SPECC1: variants seen among roughly 807,000 people sequenced by gnomAD.
The protein encoded by SPECC1 is cytospin-B.
In SPECC1, 62 loss-of-function variants were observed where a neutral mutation model predicts 104.1. That is an observed-to-expected ratio of 0.60 (90% CI 0.49 to 0.74). The LOEUF (loss-of-function observed/expected upper bound fraction) is 0.74. Among genes scored for constraint, SPECC1 ranks in the 30% least tolerant of loss-of-function variants. SPECC1 has a pLI of 0.00. For synonymous variants in SPECC1, 513 were observed against 501.6 expected (o/e 1.02, Z -0.30); for missense variants, 1,306 against 1,310.5 (o/e 1.00, Z 0.05).
chr17:20,153,709 C>A (rs151078441), intron 3 of SPECC1, among the ~76,000 whole-genome samples: 314 of 152,286 alleles, frequency 2.1e-3, no homozygotes, highest in Middle Eastern at 6.8e-3. Context: ...TGACATTTTA[C>A]AGAATTAGTA....
chr17:20,205,808 GC>G lies in SPECC1; in HGVS notation c.1762del (p.Arg588GlufsTer19). ...CGAAGTTCAAGAAATGTTGAAAGTA[GC>G]CCGAGCAGAGAAAGATCTACTGGAA... ...SCEVQEMLKV[A>X]RAEKDLLELS... On this transcript the variant is annotated frameshift_variant, in exon 4 of 15. Transcript: ENST00000395527. LOFTEE classifies it high-confidence loss of function. 6 of 1,614,188 alleles carry G rather than the reference GC, an allele frequency of 3.7e-6. No individual in the cohort carries two copies. The highest frequency in any genetic ancestry group is 5.1e-6 in the Non-Finnish European group (6 of 1,180,020).
intron 3 of SPECC1, chr17:20,112,724 A>T: frequency 8.4e-7 from 1 of 1,195,658 alleles, no homozygotes; most frequent in Non-Finnish European, 1.3e-6. Flanking sequence ...TTCCGGTCTT[A>T]AAGCCAATTT....
intron 1 of SPECC1, among the ~76,000 whole-genome samples, chr17:20,055,658 C>G (rs541644617): frequency 2.6e-5 from 4 of 152,314 alleles, no homozygotes; most frequent in African/African-American, 9.6e-5. Context: ...TATACATGAT[C>G]ATAACTTCAC....
At chr17:20,096,898 G>A in intron 2 of SPECC1, 100 bp downstream of exon 2, 2 of 1,437,272 alleles carry the variant, frequency 1.4e-6, no homozygotes, top group East Asian at 4.6e-5. Flanking sequence ...CTCGGGGCAG[G>A]GAAGGAGGCT....
chr17:20,121,954 C>G (rs2049054189), intron 3 of SPECC1, among the ~76,000 whole-genome samples: 1 of 152,226 alleles, frequency 6.6e-6, no homozygotes. Flanking sequence ...GTGCCTGGCA[C>G]TGTTCTAGGC....
At chr17:20,074,303 G>A (rs1040414809) in intron 1 of SPECC1, among the ~76,000 whole-genome samples, 2 of 152,136 alleles carry the variant, frequency 1.3e-5, no homozygotes, top group Non-Finnish European at 2.9e-5. Flanking sequence ...TCTGAAATGA[G>A]ATGTTTGTGA....
intron 12 of SPECC1, among the ~76,000 whole-genome samples, chr17:20,261,019 T>C (rs2040006540): frequency 6.6e-6 from 1 of 152,202 alleles, no homozygotes; most frequent in African/African-American, 2.4e-5. Context: ...ATTATTTAAG[T>C]AAAAGAATTA....
chr17:20,248,753 T>G (rs2151550487), intron 9 of SPECC1, among the ~76,000 whole-genome samples: 1 of 152,342 alleles, frequency 6.6e-6, no homozygotes, highest in East Asian at 1.9e-4. Flanking sequence ...TATATTGTGC[T>G]TTTTAACATT....
rs2048124678 is a variant in SPECC1, at chr17:20,104,919, TAA to T, written c.148-5506_148-5505del. Among the ~76,000 whole-genome samples the T allele has an allele frequency of 3.3e-5, 5 of 152,120 alleles. No individual in the cohort carries two copies. The South Asian group carries it at 1.0e-3, about 32-fold the overall frequency. ...AGGATTTAGATTTTGTTTGTAAATC[TAA>T]AGATGCTTCTGTTGCTGCCAGCCTG... is the stretch of plus-strand genomic sequence containing the variant. On this transcript the variant is annotated intron_variant, in intron 2 of 14. Transcript: ENST00000395527.
Position 20,052,994 on chromosome 17 carries a change from A to G in SPECC1, c.-22+43570A>G, listed in dbSNP as rs149098619. Among the ~76,000 whole-genome samples the G allele has an allele frequency of 2.4e-3, 360 of 152,302 alleles. 1 individual carries two copies. The highest frequency in any genetic ancestry group is 8.4e-3 in the African/African-American group (348 of 41,560). The stretch of plus-strand genomic sequence containing the variant: ...TTCTTATTTTCCTTATCCCTCAAAC[A>G]AAGAAGTGTCCCTCTCTTGGCCCCA... On this transcript the variant is annotated intron_variant, in intron 1 of 14. Transcript: ENST00000395527.
chr17:20,018,076 C>G (rs2044218795), intron 1 of SPECC1: 1 of 152,352 alleles, frequency 6.6e-6, no homozygotes, highest in Non-Finnish European at 1.5e-5. Flanking sequence ...TCCAACAGTC[C>G]TGGTCATTCA....
Position 20,194,502 on chromosome 17 carries a change from A to ATTATTTTT in SPECC1, c.284-9829_284-9828insATTTTTTT. Among the ~76,000 whole-genome samples, 165 of 86,532 alleles carry ATTATTTTT rather than the reference A, an allele frequency of 1.9e-3. 26 individuals are homozygous for ATTATTTTT. Among genetic ancestry groups the ATTATTTTT allele is most frequent in the East Asian group, 6.6e-3 (17 of 2,566 alleles). 56.8% of individuals were successfully genotyped at this position (86,532 alleles called of 152,430 possible). ...TGTGTTCTGTTAGAAAAGAGAACGA[A>ATTATTTTT]TTTTTTTTTTTTTTTTTTTTTTTGA... On this transcript the variant is annotated intron_variant, in intron 3 of 14. Coordinates refer to ENST00000395527, the MANE Select transcript of SPECC1 (RefSeq NM_001243439.2).
intron 1 of SPECC1, among the ~76,000 whole-genome samples, chr17:20,051,120 C>A (rs2045749865): frequency 7.8e-6 from 1 of 128,358 alleles, no homozygotes. Context: ...TTCTTTCTTT[C>A]TTTCTTTCTT....
At chr17:20,088,766 G>A (rs1288374842) in intron 1 of SPECC1, among the ~76,000 whole-genome samples, 1 of 152,168 alleles carries the variant, frequency 6.6e-6, no homozygotes, top group Non-Finnish European at 1.5e-5. Context: ...GAATGTTGAT[G>A]TACCCCCCAA....
chr17:20,072,575 A>G (rs1341294269), intron 1 of SPECC1, among the ~76,000 whole-genome samples: 1 of 152,188 alleles, frequency 6.6e-6, no homozygotes, highest in Non-Finnish European at 1.5e-5. Flanking sequence ...CAGGTGGGGC[A>G]TGGGGCTGCC....
intron 1 of SPECC1, among the ~76,000 whole-genome samples, chr17:20,066,912 T>A (rs993406298): frequency 8.0e-5 from 5 of 62,254 alleles, no homozygotes; most frequent in Admixed American, 3.6e-4. Flanking sequence ...GCTAATCAAA[T>A]TTTTTTTTTT....
intron 3 of SPECC1, among the ~76,000 whole-genome samples, chr17:20,189,167 G>C (rs770841871): frequency 2.6e-5 from 4 of 152,144 alleles, no homozygotes; most frequent in African/African-American, 4.8e-5. Context: ...AGATCTTTTA[G>C]TTCACTAAAG....
chr17:20,051,186 T>TTCTTTCCTTCTTTCTTTCCC lies in SPECC1; in HGVS notation c.-22+41765_-22+41766insTTCCTTCTTTCTTTCCCTCT, dbSNP rs1238220023. Among the ~76,000 whole-genome samples the TTCTTTCCTTCTTTCTTTCCC allele has an allele frequency of 1.7e-3, 200 of 116,760 alleles. 21 individuals carry two copies. Among genetic ancestry groups the TTCTTTCCTTCTTTCTTTCCC allele is most frequent in the Middle Eastern group, 0.01 (2 of 198 alleles). 76.6% of individuals were successfully genotyped at this position (116,760 alleles called of 152,430 possible). A position where few individuals can be genotyped will look rare whatever the true frequency, so the allele number is the denominator to read the frequency against. ...TTTCCTTCTTTCCTTCTTTCTTTCC[T>TTCTTTCCTTCTTTCTTTCCC]TCTCCTTCAGACAGAGTCTTGCTTT... On this transcript the variant is annotated intron_variant, in intron 1 of 14. Coordinates refer to ENST00000395527, the MANE Select transcript of SPECC1 (RefSeq NM_001243439.2).
chr17:20,107,493 G>A (rs182382182), intron 2 of SPECC1, among the ~76,000 whole-genome samples: 3 of 142,784 alleles, frequency 2.1e-5, no homozygotes, highest in East Asian at 2.0e-4. Context: ...TGGATAGACT[G>A]TTTGCCAGTA....
Sources: allele counts gnomAD v4.1 joint callset (sites outside exome capture counted in the v4.1 genomes callset), GRCh38; gene constraint gnomAD v4.1.1; transcripts MANE v1.5; gene names NCBI Gene and HGNC (gene_info 2026-07-23, HGNC 2026-07-21).